ST6GALNAC3: variants seen among roughly 807,000 people sequenced by gnomAD.
ST6GALNAC3 encodes the protein alpha-N-acetylgalactosaminide alpha-2,6-sialyltransferase 3.
A neutral mutation model predicts 32.7 loss-of-function variants in ST6GALNAC3; 25 were observed. That is an observed-to-expected ratio of 0.76 (90% CI 0.56 to 1.07). The LOEUF is 1.07. Ranked by LOEUF, ST6GALNAC3 falls within the 50% of genes least tolerant of loss-of-function variation. ST6GALNAC3 has a pLI of 0.00. For synonymous variants in ST6GALNAC3, 129 were observed against 133.1 expected (o/e 0.97, Z 0.21); for missense variants, 355 against 382.4 (o/e 0.93, Z 0.60).
intron 2 of ST6GALNAC3, among the ~76,000 whole-genome samples, chr1:76,392,893 T>A (rs1208286248): frequency 6.6e-6 from 1 of 152,236 alleles, no homozygotes; most frequent in Non-Finnish European, 1.5e-5. Flanking sequence ...CCCTTGTTGT[T>A]TAGCCCTAGC....
intron 2 of ST6GALNAC3, among the ~76,000 whole-genome samples, chr1:76,320,151 T>A (rs1423981267): frequency 1.3e-5 from 2 of 152,050 alleles, no homozygotes; most frequent in African/African-American, 2.4e-5. Flanking sequence ...TGGAGAAAGA[T>A]TTGGATGGGA....
At chr1:76,612,126 G>C (rs1647977533) in intron 3 of ST6GALNAC3, among the ~76,000 whole-genome samples, 1 of 152,036 alleles carries the variant, frequency 6.6e-6, no homozygotes, top group Admixed American at 6.6e-5. Context: ...CCCTTTCCCT[G>C]CCTCCCCTTT....
intron 1 of ST6GALNAC3, among the ~76,000 whole-genome samples, chr1:76,162,315 G>T (rs138866824): frequency 6.6e-6 from 1 of 152,170 alleles, no homozygotes; most frequent in Non-Finnish European, 1.5e-5. Context: ...TGTTGCATGC[G>T]CATTCTCCGT....
intron 1 of ST6GALNAC3, among the ~76,000 whole-genome samples, chr1:76,209,739 A>G (rs1353671973): frequency 3.3e-5 from 5 of 152,206 alleles, no homozygotes; most frequent in Non-Finnish European, 7.3e-5. Flanking sequence ...GCTCAGGATG[A>G]CTTATGAGGC....
At chr1:76,201,004 C>T (rs997207662) in intron 1 of ST6GALNAC3, among the ~76,000 whole-genome samples, 3 of 151,960 alleles carry the variant, frequency 2.0e-5, no homozygotes, top group African/African-American at 7.3e-5. Flanking sequence ...CTAAGTTCCT[C>T]TGTTCATAGG....
intron 2 of ST6GALNAC3, among the ~76,000 whole-genome samples, chr1:76,408,758 T>TTC (rs397802293): frequency 6.6e-6 from 1 of 151,642 alleles, no homozygotes; most frequent in East Asian, 1.9e-4. Flanking sequence ...TCCAAGACTT[T>TTC]CTTTTTCTTC....
chr1:76,147,837 A>G (rs934009654), intron 1 of ST6GALNAC3, among the ~76,000 whole-genome samples: 3 of 151,772 alleles, frequency 2.0e-5, no homozygotes, highest in East Asian at 1.9e-4. Context: ...TTAGCCCTCA[A>G]TCTTCATCTG....
chr1:76,098,722 A>T (rs1189356078), intron 1 of ST6GALNAC3, among the ~76,000 whole-genome samples: 3 of 152,112 alleles, frequency 2.0e-5, no homozygotes, highest in Non-Finnish European at 4.4e-5. Context: ...TCCACATTTT[A>T]GCTTGTCTTT....
intron 1 of ST6GALNAC3, among the ~76,000 whole-genome samples, chr1:76,226,343 C>T (rs1656069172): frequency 6.6e-6 from 1 of 152,192 alleles, no homozygotes. Context: ...GGCCTGTTTG[C>T]TCTCCAAGGG....
At chr1:76,470,471 A>C (rs1658944047) in intron 3 of ST6GALNAC3, among the ~76,000 whole-genome samples, 1 of 152,122 alleles carries the variant, frequency 6.6e-6, no homozygotes, top group Non-Finnish European at 1.5e-5. Context: ...TTTATTCATT[A>C]AATGAAACTC....
intron 3 of ST6GALNAC3, among the ~76,000 whole-genome samples, chr1:76,440,984 A>G (rs1656539981): frequency 1.3e-5 from 2 of 149,220 alleles, no homozygotes; most frequent in South Asian, 2.2e-4. Context: ...ACCACTTGGG[A>G]GGCTGAAGCA....
At chr1:76,334,572 G>A (rs1294920531) in intron 2 of ST6GALNAC3, among the ~76,000 whole-genome samples, 1 of 152,204 alleles carries the variant, frequency 6.6e-6, no homozygotes, top group Non-Finnish European at 1.5e-5. Context: ...TCACAGAAAT[G>A]AGATTCACCA....
intron 1 of ST6GALNAC3, among the ~76,000 whole-genome samples, chr1:76,077,374 T>A: frequency 6.6e-6 from 1 of 152,184 alleles, no homozygotes; most frequent in Non-Finnish European, 1.5e-5. Context: ...CTGGTCCTGA[T>A]AGCTAAACTG....
chr1:76,525,791 G>GTGTATATATATATATATATATA (rs1438917629), intron 3 of ST6GALNAC3, among the ~76,000 whole-genome samples: 19 of 75,572 alleles, frequency 2.5e-4, no homozygotes, highest in Non-Finnish European at 4.2e-4. Flanking sequence ...GTGTGTGTGT[G>GTGTATATATATATATATATATA]TATATATATA....
intron 2 of ST6GALNAC3, among the ~76,000 whole-genome samples, chr1:76,362,224 T>A (rs1650018442): frequency 6.6e-6 from 1 of 151,852 alleles, no homozygotes; most frequent in Non-Finnish European, 1.5e-5. Context: ...AACAACCGGA[T>A]CTCTTGACAA....
chr1:76,145,323 A>G (rs1193247602), intron 1 of ST6GALNAC3, among the ~76,000 whole-genome samples: 4 of 152,296 alleles, frequency 2.6e-5, no homozygotes, highest in Middle Eastern at 3.4e-3. Flanking sequence ...AGTCTATTTC[A>G]TCCAACCCCG....
At chr1:76,454,726 C>A (rs1657648922) in intron 3 of ST6GALNAC3, among the ~76,000 whole-genome samples, 1 of 152,056 alleles carries the variant, frequency 6.6e-6, no homozygotes, top group Non-Finnish European at 1.5e-5. Flanking sequence ...TCTTTCCTTT[C>A]ATCTTGACTT....
chr1:76,488,385 G>T (rs1261556140), intron 3 of ST6GALNAC3, among the ~76,000 whole-genome samples: 1 of 152,072 alleles, frequency 6.6e-6, no homozygotes, highest in Non-Finnish European at 1.5e-5. Context: ...CCAACCAGGC[G>T]CTAGCACCAT....
chr1:76,294,531 A>G (rs1005643798), intron 1 of ST6GALNAC3, among the ~76,000 whole-genome samples: 9 of 152,202 alleles, frequency 5.9e-5, no homozygotes, highest in Non-Finnish European at 1.2e-4. Flanking sequence ...ATTAGATTTG[A>G]TTAGATTAGC....
Sources: allele counts gnomAD v4.1 joint callset (sites outside exome capture counted in the v4.1 genomes callset), GRCh38; gene constraint gnomAD v4.1.1; transcripts MANE v1.5; gene names NCBI Gene and HGNC (gene_info 2026-07-23, HGNC 2026-07-21).